The following PBX3 variants were observed in gnomAD, a reference collection of about 807,000 sequenced individuals.
PBX3 encodes PBX homeobox 3, also known as pre-B-cell leukemia transcription factor 3.
A neutral mutation model predicts 48.5 loss-of-function variants in PBX3; 14 were observed. The ratio of observed to expected loss-of-function variants is 0.29; its 90% CI spans 0.19 to 0.45. PBX3 has a LOEUF of 0.45. Among genes scored for constraint, PBX3 ranks in the 20% least tolerant of loss-of-function variants. The probability of loss-of-function intolerance (pLI) is 1.00; values close to 1 mark genes in which losing one functional copy is unlikely to be tolerated. For missense variants in PBX3, 386 were observed against 546.7 expected, an observed-to-expected ratio of 0.71 and a Z score of 2.93; for synonymous variants, 210 against 200.3, an observed-to-expected ratio of 1.05 and a Z score of -0.41.
intron 2 of PBX3, among the ~76,000 whole-genome samples, chr9:125,885,338 G>A (rs1840472515): frequency 6.6e-6 from 1 of 152,084 alleles, no homozygotes; most frequent in African/African-American, 2.4e-5. Context: ...GTTATTAAAT[G>A]CTAAATATGC....
intron 2 of PBX3, among the ~76,000 whole-genome samples, chr9:125,889,826 C>CGCTCCGCG (rs1242470181): frequency 1.3e-5 from 2 of 148,228 alleles, no homozygotes; most frequent in African/African-American, 4.9e-5. Context: ...CGCCGTCCGC[C>CGCTCCGCG]GCTCCGCGGC....
In PBX3 at chr9:125,759,651, G is replaced by GT. The variant is rs1836611281; in HGVS notation, c.274+11033dup. Among the ~76,000 whole-genome samples, 1 of 152,210 alleles carries GT rather than the reference G, an allele frequency of 6.6e-6. No individual in the cohort carries two copies. Among genetic ancestry groups the GT allele is most frequent in the African/African-American group, 2.4e-5 (1 of 41,446 alleles). ...TAATTTTGTGGGCAATGAATTAAGT[G>GT]TTTTTGTGGCCCTCTCATCCGTAGC... On this transcript the variant is annotated intron_variant, in intron 2 of 8. Transcript: ENST00000373489. The surrounding 1 kb of genome is among the most constrained non-coding windows in gnomAD (Gnocchi z 4.2).
At chr9:125,844,653 T>C (rs1434131924) in intron 2 of PBX3, 3 of 152,040 alleles carry the variant, frequency 2.0e-5, no homozygotes, top group Admixed American at 2.0e-4. Context: ...ACAAAAGAGA[T>C]CATTATGCTT....
chr9:125,896,709 T>C (rs1840776707), intron 2 of PBX3, among the ~76,000 whole-genome samples: 1 of 152,014 alleles, frequency 6.6e-6, no homozygotes. Flanking sequence ...TGCAAGCTAA[T>C]TAGCCTCCTC....
At chr9:125,864,053 A>G (rs1022412013) in intron 2 of PBX3, among the ~76,000 whole-genome samples, 2 of 152,340 alleles carry the variant, frequency 1.3e-5, no homozygotes, top group Admixed American at 1.3e-4. Context: ...GAGGAAGGAG[A>G]ATAAACTGTC....
At chr9:125,843,837 A>G in intron 2 of PBX3, 1 of 455,844 alleles carries the variant, frequency 2.2e-6, no homozygotes, top group Non-Finnish European at 4.4e-6. Flanking sequence ...GCGAAAGTGC[A>G]GGCCTGCTGA....
chr9:125,767,874 T>C (rs1836840742), intron 2 of PBX3, among the ~76,000 whole-genome samples: 1 of 151,790 alleles, frequency 6.6e-6, no homozygotes, highest in African/African-American at 2.4e-5. Flanking sequence ...GGGGAAAGAA[T>C]CAGAAAAATG....
At chr9:125,897,777 G>T (rs1002554570) in intron 2 of PBX3, among the ~76,000 whole-genome samples, 1 of 151,752 alleles carries the variant, frequency 6.6e-6, no homozygotes, top group African/African-American at 2.4e-5. Context: ...ATTAGACATG[G>T]CCAGAATTAT....
At chr9:125,778,536 C>T (rs529175790) in intron 2 of PBX3, among the ~76,000 whole-genome samples, 9 of 151,658 alleles carry the variant, frequency 5.9e-5, no homozygotes, top group Admixed American at 3.3e-4. Context: ...GGATTACAGG[C>T]GTGAGCCACT....
chr9:125,812,599 T>C (rs1209677228), intron 2 of PBX3, among the ~76,000 whole-genome samples: 1 of 152,240 alleles, frequency 6.6e-6, no homozygotes, highest in Non-Finnish European at 1.5e-5. Flanking sequence ...CCTGCTCCTG[T>C]TTTACGCTTT....
intron 2 of PBX3, among the ~76,000 whole-genome samples, chr9:125,910,315 A>G (rs1437889249): frequency 6.6e-6 from 1 of 152,134 alleles, no homozygotes. Context: ...ATTACATGTC[A>G]GTTCTTAATG....
intron 2 of PBX3, among the ~76,000 whole-genome samples, chr9:125,812,147 G>A (rs1564668335): frequency 6.6e-6 from 1 of 152,140 alleles, no homozygotes; most frequent in Non-Finnish European, 1.5e-5. Flanking sequence ...AACTGTGAAC[G>A]ATAAATTTGC....
intron 2 of PBX3, among the ~76,000 whole-genome samples, chr9:125,820,025 T>C (rs1838602309): frequency 6.6e-6 from 1 of 152,232 alleles, no homozygotes; most frequent in African/African-American, 2.4e-5. Flanking sequence ...TTCCTATTCA[T>C]TGTTTCTTTC....
chr9:125,903,314 A>G (rs768508190), intron 2 of PBX3, among the ~76,000 whole-genome samples: 1 of 151,850 alleles, frequency 6.6e-6, no homozygotes, highest in Admixed American at 6.6e-5. Context: ...ATCTCAAGGG[A>G]CCAGACATAA....
In PBX3 at chr9:125,759,770, A is replaced by G. The variant is rs1588121528; in HGVS notation, c.274+11147A>G. On this transcript the variant is annotated intron_variant, in intron 2 of 8. Transcript: ENST00000373489. The surrounding 1 kb of genome is among the most constrained non-coding windows in gnomAD (Gnocchi z 4.2). ...ATGAGCTTTTATGGCAACTGGCATA[A>G]CAATTAGCATCCTCCAGCAATATTT... Among the ~76,000 whole-genome samples the G allele has an allele frequency of 6.6e-6, 1 of 152,266 alleles. No individual in the cohort carries two copies. Among genetic ancestry groups the G allele is most frequent in the Admixed American group, 6.5e-5 (1 of 15,292 alleles).
At chr9:125,947,299 A>T (rs1037421268) in intron 5 of PBX3, among the ~76,000 whole-genome samples, 1 of 152,208 alleles carries the variant, frequency 6.6e-6, no homozygotes, top group Non-Finnish European at 1.5e-5. Context: ...TTTAAAATAA[A>T]GATAATGTCT....
In PBX3 at chr9:125,838,017, T is replaced by C. The variant is rs558686252; in HGVS notation, c.275-77669T>C. Among the ~76,000 whole-genome samples, 4 of 152,336 alleles carry C rather than the reference T, an allele frequency of 2.6e-5. No homozygotes were observed. In the South Asian group the frequency reaches 8.3e-4, roughly 32 times the overall value. ...CATTTTAATAGCAAAGCCAATGCCA[T>C]GTATTTGATACCATATGGAAAAAAA... On this transcript the variant is annotated intron_variant, in intron 2 of 8. Transcript: ENST00000373489.
intron 2 of PBX3, chr9:125,844,720 A>C (rs1026688787): frequency 2.0e-5 from 3 of 152,124 alleles, no homozygotes; most frequent in African/African-American, 4.8e-5. Flanking sequence ...TCTTGGAAGA[A>C]AACTCTGGGG....
rs974427167 is a variant in PBX3, at chr9:125,935,709, A to C, written c.843+102A>C. The stretch of plus-strand genomic sequence containing the variant: ...AAATTTCATATCCAAATGTTCTATC[A>C]TCAAAAAAGATATAAGGAAAATGTA... On this transcript the variant is annotated intron_variant, in intron 5 of 8. Transcript: ENST00000373489. 7.3e-6 allele frequency: 8 copies of C among 1,092,552 alleles called. No homozygotes were observed. The Admixed American group carries it at 8.1e-5, about 11-fold the overall frequency. The allele number at this position is 1,092,552 out of a possible 1,614,324, so 67.7% of individuals were successfully genotyped here. A position where few individuals can be genotyped will look rare whatever the true frequency, so the allele number is the denominator to read the frequency against.
Sources: allele counts gnomAD v4.1 joint callset (sites outside exome capture counted in the v4.1 genomes callset), GRCh38; gene constraint gnomAD v4.1.1; non-coding constraint Gnocchi (gnomAD v3.1); transcripts MANE v1.5; gene names NCBI Gene and HGNC (gene_info 2026-07-23, HGNC 2026-07-21).